PREX1: variants seen among roughly 807,000 people sequenced by gnomAD.
PREX1 encodes the protein phosphatidylinositol-3,4,5-trisphosphate dependent Rac exchange factor 1, also known as phosphatidylinositol 3,4,5-trisphosphate-dependent Rac exchanger 1 protein.
A neutral mutation model predicts 198.3 loss-of-function variants in PREX1; 41 were observed. The ratio of observed to expected loss-of-function variants is 0.21; its 90% CI spans 0.16 to 0.27. The LOEUF (loss-of-function observed/expected upper bound fraction) is 0.27. Among genes scored for constraint, PREX1 ranks in the 10% least tolerant of loss-of-function variants. PREX1 has a pLI of 1.00. For synonymous variants in PREX1, 843 were observed against 887.2 expected (o/e 0.95, Z 0.89); for missense variants, 1,620 against 2,200.7 (o/e 0.74, Z 5.28).
At chr20:48,703,871 C>T (rs1266684282) in intron 6 of PREX1, among the ~76,000 whole-genome samples, 1 of 152,232 alleles carries the variant, frequency 6.6e-6, no homozygotes, top group East Asian at 1.9e-4. Context: ...CTTGATCTCC[C>T]TGAAATCCTT....
the PREX1 span, among the ~76,000 whole-genome samples, chr20:48,867,018 G>A: frequency 6.6e-6 from 1 of 152,130 alleles, no homozygotes; most frequent in East Asian, 1.9e-4. Context: ...CCCACTTAGG[G>A]TTTAAAATAA....
rs773751025 is a variant in PREX1, at chr20:48,650,071, T to C, written c.2953A>G (p.Thr985Ala). The change falls in exon 24 of 40, where the codon ACC becomes GCC. Residue 985 changes from threonine (T) to alanine (A), a missense_variant. Physicochemically the swap from Thr to Ala is moderately conservative, Grantham distance 58. This residue lies in a region of PREX1 where 514 missense variants were observed against 611.6 expected (regional missense o/e 0.84). Transcript: ENST00000371941. The stretch of plus-strand genomic sequence containing the variant: ...CTGAAGGACCTGCCCACTGAGGGGG[T>C]GGTCTTGGGGTAGGACACTTCCATG... ...NLMEVSYPKT[T>A]PSVGRSFSIR... 3 of 1,613,826 alleles carry C rather than the reference T, an allele frequency of 1.9e-6. No individual in the cohort carries two copies. Among genetic ancestry groups the C allele is most frequent in the East Asian group, 2.2e-5 (1 of 44,870 alleles).
In PREX1 at chr20:48,637,749, C is replaced by T. The variant is rs773115865; in HGVS notation, c.3908G>A (p.Gly1303Glu). The T allele has an allele frequency of 1.1e-5, 18 of 1,612,250 alleles. No homozygotes were observed. Among genetic ancestry groups the T allele is most frequent in the Non-Finnish European group, 1.4e-5 (16 of 1,179,354 alleles). ...CAAGGCCAGGAGCAGCTGGTTCTTC[C>T]CATCTGGAAGGAGAAGGGAGACAGA... ...VDNIQRYVEDGKNQLLLALLK... is the reference protein window; with the variant it reads ...VDNIQRYVEDEKNQLLLALLK... The change falls in exon 31 of 40, where the codon GGG becomes GAG. Residue 1303 changes from glycine (G) to glutamate (E), a missense_variant. Physicochemically the swap from Gly to Glu is moderately conservative, Grantham distance 98. Around this residue, in one of 7 missense-constraint regions of PREX1, gnomAD observed 476 missense variants for 603.4 expected, o/e 0.79. Coordinates refer to ENST00000371941, the MANE Select transcript of PREX1 (RefSeq NM_020820.4).
At chr20:48,651,147 A>C (rs2122897477) in intron 22 of PREX1, 92 bp from the exon 23 acceptor site, 1 of 1,464,694 alleles carries the variant, frequency 6.8e-7, no homozygotes, top group Middle Eastern at 1.9e-4. Context: ...TACTCGTAAT[A>C]CCCCCCGGGA....
At chr20:48,738,020 A>G (rs1407658167) in intron 3 of PREX1, among the ~76,000 whole-genome samples, 2 of 152,222 alleles carry the variant, frequency 1.3e-5, no homozygotes, top group Non-Finnish European at 2.9e-5. Flanking sequence ...GTTTTGATAC[A>G]TGCACACTCT....
chr20:48,645,785 G>A (rs1247781495), intron 26 of PREX1, 66 bp downstream of exon 26: 29 of 1,542,324 alleles, frequency 1.9e-5, no homozygotes, highest in Middle Eastern at 1.8e-4. Context: ...TGTTGCCACG[G>A]GTCCGTGGCC....
intron 9 of PREX1, among the ~76,000 whole-genome samples, chr20:48,689,164 G>C (rs1023570200): frequency 6.6e-6 from 1 of 152,124 alleles, no homozygotes; most frequent in Non-Finnish European, 1.5e-5. Context: ...TAGATTCACA[G>C]GTTATCAGAA....
intron 1 of PREX1, among the ~76,000 whole-genome samples, chr20:48,784,357 C>G (rs1478998837): frequency 2.0e-5 from 3 of 152,256 alleles, no homozygotes; most frequent in Non-Finnish European, 2.9e-5. Context: ...CTTGTTGATT[C>G]TAAGAATTCA....
At chr20:48,761,241 A>G (rs1235361852) in intron 1 of PREX1, among the ~76,000 whole-genome samples, 1 of 152,214 alleles carries the variant, frequency 6.6e-6, no homozygotes, top group Non-Finnish European at 1.5e-5. Context: ...GAAAACGTCT[A>G]TCCCTGCTCT....
chr20:48,780,736 A>G (rs143897494), intron 1 of PREX1, among the ~76,000 whole-genome samples: 1 of 152,372 alleles, frequency 6.6e-6, no homozygotes, highest in African/African-American at 2.4e-5. Context: ...AGTAAGAGCT[A>G]TCACAGGCCA....
At chr20:48,698,759 T>G (rs1419647827) in intron 7 of PREX1, among the ~76,000 whole-genome samples, 1 of 152,168 alleles carries the variant, frequency 6.6e-6, no homozygotes, top group Non-Finnish European at 1.5e-5. Context: ...CCAGGTGCTG[T>G]ACCTGTGCGA....
At chr20:48,753,303 C>T (rs1458440997) in intron 1 of PREX1, among the ~76,000 whole-genome samples, 1 of 152,188 alleles carries the variant, frequency 6.6e-6, no homozygotes, top group Non-Finnish European at 1.5e-5. Context: ...AAACTGGTGA[C>T]AAAACACAGA....
At chr20:48,792,991 G>C (rs1271458825) in intron 1 of PREX1, among the ~76,000 whole-genome samples, 1 of 152,044 alleles carries the variant, frequency 6.6e-6, no homozygotes, top group African/African-American at 2.4e-5. Context: ...GATCACTTGA[G>C]GTCAGGAGTT....
rs898407131 is a variant in PREX1, at chr20:48,718,126, G to A, written c.621+8164C>T. 2.6e-5 allele frequency among the ~76,000 whole-genome samples: 4 copies of A among 152,224 alleles called. 1 individual carries two copies. In the South Asian group the frequency reaches 8.3e-4, roughly 32 times the overall value. On this transcript the variant is annotated intron_variant, in intron 5 of 39. Transcript: ENST00000371941. The stretch of plus-strand genomic sequence containing the variant: ...ACTCGTTTCCTGCACGTGCCCTGCA[G>A]GTATCTGTGTTTGTGACCCTAGGGT...
intron 1 of PREX1, among the ~76,000 whole-genome samples, chr20:48,783,484 T>C (rs1434896125): frequency 6.6e-6 from 1 of 152,106 alleles, no homozygotes; most frequent in Non-Finnish European, 1.5e-5. Flanking sequence ...AAAGAGACAG[T>C]GGCCATACCC....
chr20:48,676,423 C>T (rs1354028667), intron 13 of PREX1, among the ~76,000 whole-genome samples, 155 bp from the exon 14 acceptor site: 16 of 152,198 alleles, frequency 1.1e-4, no homozygotes, highest in Admixed American at 1.0e-3. Flanking sequence ...AGACTCCACA[C>T]ATCACTTGCA....
chr20:48,790,931 T>A (rs1380452577), intron 1 of PREX1, among the ~76,000 whole-genome samples: 2 of 151,606 alleles, frequency 1.3e-5, no homozygotes, highest in African/African-American at 4.8e-5. Context: ...CCTGTCCCCA[T>A]CAGCTCCCAC....
chr20:48,688,873 G>A, intron 9 of PREX1, 69 bp from the exon 10 acceptor site: 1 of 1,589,046 alleles, frequency 6.3e-7, no homozygotes, highest in South Asian at 1.1e-5. Context: ...GGGGAGACAA[G>A]GGGCAGGCCC....
At chr20:48,878,819 G>A in the PREX1 span, among the ~76,000 whole-genome samples, 1 of 152,164 alleles carries the variant, frequency 6.6e-6, no homozygotes. Context: ...ATGGGCATGT[G>A]ACCCAACTCA....
Sources: gnomAD v4.1 joint callset for allele counts (sites outside exome capture counted in the v4.1 genomes callset) on GRCh38, gnomAD v4.1.1 for gene constraint, gnomAD v4.1.1 regional missense constraint, MANE v1.5 for transcripts, NCBI Gene and HGNC (gene_info 2026-07-23, HGNC 2026-07-21) for gene names.